The following SLC35F3 variants were observed in gnomAD, a reference collection of about 807,000 sequenced individuals.
SLC35F3 encodes the protein solute carrier family 35 member F3.
Under a neutral mutation model 49.9 loss-of-function variants are expected in SLC35F3, and 25 were observed. The ratio of observed to expected loss-of-function variants is 0.50; its 90% CI spans 0.37 to 0.70. SLC35F3 has a LOEUF of 0.70. SLC35F3 is among the 30% of genes least tolerant of loss of function. The probability of loss-of-function intolerance (pLI) is 0.00; values close to 1 mark genes in which losing one functional copy is unlikely to be tolerated. For missense variants in SLC35F3, 525 were observed against 639.8 expected, an observed-to-expected ratio of 0.82 and a Z score of 1.94; for synonymous variants, 275 against 265.4, an observed-to-expected ratio of 1.04 and a Z score of -0.35.
chr1:234,287,083 C>A (rs1413037394), intron 3 of SLC35F3, among the ~76,000 whole-genome samples: 2 of 152,032 alleles, frequency 1.3e-5, no homozygotes, highest in African/African-American at 4.8e-5. Context: ...CCTTTAGTCC[C>A]AGCTACTTGG....
Position 234,226,041 on chromosome 1 carries a change from G to T in SLC35F3, c.284-5376G>T, listed in dbSNP as rs964441299. Among the ~76,000 whole-genome samples, 8 of 152,258 alleles carry T rather than the reference G, an allele frequency of 5.3e-5. No individual in the cohort carries two copies. In the South Asian group the frequency reaches 1.2e-3, roughly 24 times the overall value. ...CTGGGAACAGGGAGAACTTCAAATG[G>T]GCACAAGAACTCGTTTCGGCATGAT... On this transcript the variant is annotated intron_variant, in intron 2 of 7. Coordinates refer to ENST00000366618, the MANE Select transcript of SLC35F3 (RefSeq NM_173508.4).
chr1:234,126,843 G>C (rs902978620), intron 2 of SLC35F3, among the ~76,000 whole-genome samples: 1 of 152,050 alleles, frequency 6.6e-6, no homozygotes, highest in Non-Finnish European at 1.5e-5. Flanking sequence ...CTACAGGCAC[G>C]CACTACCGTG....
chr1:234,094,099 C>T (rs1399624945), intron 2 of SLC35F3, among the ~76,000 whole-genome samples: 1 of 152,200 alleles, frequency 6.6e-6, no homozygotes, highest in Non-Finnish European at 1.5e-5. Context: ...AGACTGTGGT[C>T]TCCTGTGCCT....
intron 2 of SLC35F3, among the ~76,000 whole-genome samples, chr1:234,215,550 CAG>C (rs1667109257): frequency 6.6e-6 from 1 of 152,208 alleles, no homozygotes; most frequent in Admixed American, 6.5e-5. Flanking sequence ...GCTGAGCTAA[CAG>C]AGCCCATGAG....
At chr1:233,954,295 T>C (rs865847362) in intron 2 of SLC35F3, among the ~76,000 whole-genome samples, 7 of 152,126 alleles carry the variant, frequency 4.6e-5, no homozygotes, top group East Asian at 1.9e-4. Flanking sequence ...CGTGAGCCAC[T>C]GCTCCCGGCC....
intron 3 of SLC35F3, among the ~76,000 whole-genome samples, chr1:234,234,585 C>T (rs1279386929): frequency 6.6e-6 from 1 of 152,086 alleles, no homozygotes; most frequent in Non-Finnish European, 1.5e-5. Context: ...GTTGTTGAGT[C>T]CCAGCTACAG....
intron 3 of SLC35F3, among the ~76,000 whole-genome samples, chr1:234,274,901 G>A (rs1236852632): frequency 2.0e-5 from 3 of 152,224 alleles, no homozygotes; most frequent in Non-Finnish European, 4.4e-5. Context: ...GAATACTAGA[G>A]AGGGATTTTA....
intron 2 of SLC35F3, among the ~76,000 whole-genome samples, chr1:234,017,715 GA>G (rs35271984): frequency 0.028 from 2,540 of 91,762 alleles, 60 homozygotes; most frequent in East Asian, 0.2. Context: ...CTTTGTCTCA[GA>G]AAAAAAAAAA....
intron 3 of SLC35F3, among the ~76,000 whole-genome samples, chr1:234,275,763 A>T (rs55821436): frequency 0.21 from 28,683 of 135,262 alleles, 3,053 homozygotes; most frequent in Admixed American, 0.25. Context: ...AAAAAAAAAA[A>T]ATATATATAT....
intron 2 of SLC35F3, among the ~76,000 whole-genome samples, chr1:233,911,498 C>T (rs1028307634): frequency 2.0e-5 from 3 of 152,048 alleles, no homozygotes; most frequent in African/African-American, 7.2e-5. Flanking sequence ...CTTAAATATG[C>T]TAACAATTTA....
chr1:234,304,070 CCTTT>C lies in SLC35F3; in HGVS notation c.609-5027_609-5024del, dbSNP rs1330805262. Among the ~76,000 whole-genome samples the C allele has an allele frequency of 3.4e-3, 79 of 23,268 alleles. 2 individuals carry two copies. The highest frequency in any genetic ancestry group is 0.015 in the African/African-American group (71 of 4,748). 15.3% of individuals were successfully genotyped at this position (23,268 alleles called of 152,430 possible). A position where few individuals can be genotyped will look rare whatever the true frequency, so the allele number is the denominator to read the frequency against. On this transcript the variant is annotated intron_variant, in intron 3 of 7. Coordinates refer to ENST00000366618, the MANE Select transcript of SLC35F3 (RefSeq NM_173508.4). Reference sequence around the variant, plus strand: ...CTTTCTTTCCTTCCTTTCCTTCCTTCCTTTCTTCCTTCCTTCCTTCCTTCCTTCT... The same window carrying C: ...CTTTCTTTCCTTCCTTTCCTTCCTTCCTTCCTTCCTTCCTTCCTTCCTTCT...
chr1:234,064,912 G>A (rs1053141767), intron 2 of SLC35F3, among the ~76,000 whole-genome samples: 1 of 152,144 alleles, frequency 6.6e-6, no homozygotes, highest in Non-Finnish European at 1.5e-5. Context: ...ATATTCTGAA[G>A]GGTCATGATC....
chr1:234,141,904 C>T (rs778804156), intron 2 of SLC35F3, among the ~76,000 whole-genome samples: 5 of 152,232 alleles, frequency 3.3e-5, no homozygotes, highest in Non-Finnish European at 5.9e-5. Flanking sequence ...TCATGCCATC[C>T]ACTGAGAGCA....
intron 2 of SLC35F3, among the ~76,000 whole-genome samples, chr1:234,103,783 A>G (rs1173285930): frequency 6.6e-6 from 1 of 152,128 alleles, no homozygotes; most frequent in Non-Finnish European, 1.5e-5. Flanking sequence ...GGAAAGGATT[A>G]TACTTCCCCA....
At chr1:233,947,504 G>A (rs1331748943) in intron 2 of SLC35F3, among the ~76,000 whole-genome samples, 1 of 151,406 alleles carries the variant, frequency 6.6e-6, no homozygotes, top group African/African-American at 2.4e-5. Context: ...TCCCAGGAGG[G>A]ATTTCCATGT....
chr1:234,214,728 G>C lies in SLC35F3; in HGVS notation c.284-16689G>C. 9.5e-7 allele frequency: 1 copy of C among 1,051,308 alleles called. No homozygotes were observed. The highest frequency in any genetic ancestry group is 1.3e-6 in the Non-Finnish European group (1 of 778,910). 65.1% of individuals were successfully genotyped at this position (1,051,308 alleles called of 1,614,324 possible). On this transcript the variant is annotated intron_variant, in intron 2 of 7. Coordinates refer to ENST00000366618, the MANE Select transcript of SLC35F3 (RefSeq NM_173508.4). This position sits in a 1 kb window ranked among gnomAD's most constrained non-coding sequence, Gnocchi z 8.0. ...AGTGCAGAGCGCCGCCGCCTGCGTG[G>C]GGGGATCTGGCAGCTTCAGGGGCTG...
In SLC35F3 at chr1:234,213,231, A is replaced by T. The variant is rs532854740; in HGVS notation, c.284-18186A>T. 2.0e-5 allele frequency: 3 copies of T among 152,392 alleles called. No individual in the cohort carries two copies. The South Asian group carries it at 6.2e-4, about 32-fold the overall frequency. The allele number at this position is 152,392 out of a possible 1,614,324, so 9.4% of individuals were successfully genotyped here. On this transcript the variant is annotated intron_variant, in intron 2 of 7. Transcript: ENST00000366618. ...CTACCCTTGTGGGGACTTGAATGAC[A>T]TAATACAATGAAGTTTTAACTTTGA...
rs1661739900 is a variant in SLC35F3 at position 233,904,730 on chromosome 1, C to T, written c.-348C>T. The stretch of plus-strand genomic sequence containing the variant: ...CCTCGAGAGCGCACAGCTGGGAGGG[C>T]TCTCCCGGTCGCGGCGAGACTCACG... On this transcript the variant is annotated 5_prime_UTR_variant, in exon 1 of 8. Coordinates refer to ENST00000366618, the MANE Select transcript of SLC35F3 (RefSeq NM_173508.4). Among the ~76,000 whole-genome samples the T allele has an allele frequency of 6.6e-6, 1 of 151,794 alleles. No homozygotes were observed. The highest frequency in any genetic ancestry group is 2.4e-5 in the African/African-American group (1 of 41,406).
chr1:234,181,338 G>GAAAAAA (rs34757532), intron 2 of SLC35F3, among the ~76,000 whole-genome samples: 15 of 97,300 alleles, frequency 1.5e-4, no homozygotes, highest in South Asian at 3.0e-4. Context: ...TCTGTCTCAA[G>GAAAAAA]AAAAAAAAAA....
Sources: allele counts gnomAD v4.1 joint callset (sites outside exome capture counted in the v4.1 genomes callset), GRCh38; gene constraint gnomAD v4.1.1; non-coding constraint Gnocchi (gnomAD v3.1); transcripts MANE v1.5; gene names NCBI Gene and HGNC (gene_info 2026-07-23, HGNC 2026-07-21).